DCAF5: variants seen among roughly 807,000 people sequenced by gnomAD.
The protein encoded by DCAF5 is DDB1 and CUL4 associated factor 5, also known as DDB1- and CUL4-associated factor 5.
Under a neutral mutation model 80.7 loss-of-function variants are expected in DCAF5, and 9 were observed. The ratio of observed to expected loss-of-function variants is 0.11; its 90% confidence interval spans 0.07 to 0.19. The LOEUF (loss-of-function observed/expected upper bound fraction) is 0.19, where lower values mean the gene tolerates loss of function less well. Among genes scored for constraint, DCAF5 ranks in the 10% least tolerant of loss-of-function variants. The probability of loss-of-function intolerance (pLI) is 1.00; values close to 1 mark genes in which losing one functional copy is unlikely to be tolerated. For synonymous variants in DCAF5, 433 were observed against 461.9 expected (o/e 0.94, Z 0.80); for missense variants, 842 against 1,205.7 (o/e 0.70, Z 4.47).
At chr14:69,153,120 G>A (rs1009707526), upstream of DCAF5, 11 of 592,398 alleles carry the variant, frequency 1.9e-5, no homozygotes, top group Admixed American at 4.3e-5. Flanking sequence ...AGCGAGGTGT[G>A]CAGACACTCG....
rs2041593323 is a variant in DCAF5 at position 69,148,087 on chromosome 14, T to C, written c.214+4678A>G. On this transcript the variant is annotated intron_variant, in intron 1 of 8. Transcript: ENST00000341516. ...GTCATCCAATCAGAGCCCTAAAAGA[T>C]GTTCATTTTCTTCGCAAAAAAAAAA... 3.6e-5 allele frequency among the ~76,000 whole-genome samples: 5 copies of C among 139,564 alleles called. No homozygotes were observed. The South Asian group carries it at 1.2e-3, about 33-fold the overall frequency. The allele number at this position is 139,564 out of a possible 152,430, so 91.6% of individuals were successfully genotyped here. A position where few individuals can be genotyped will look rare whatever the true frequency, so the allele number is the denominator to read the frequency against.
intron 5 of DCAF5, among the ~76,000 whole-genome samples, chr14:69,098,727 C>CAAAAAAAAAAAA (rs35501979): frequency 1.1e-5 from 1 of 92,484 alleles, no homozygotes; most frequent in Non-Finnish European, 2.0e-5. Context: ...ACTAAAAATA[C>CAAAAAAAAAAAA]AAAAAAAAAA....
intron 8 of DCAF5, among the ~76,000 whole-genome samples, chr14:69,060,396 T>C (rs75596316): frequency 0.025 from 3,823 of 152,240 alleles, 90 homozygotes; most frequent in Non-Finnish European, 0.031. Context: ...AAAGTAAAAA[T>C]GATTTCCTCA....
chr14:69,094,288 G>A (rs1343972460), intron 5 of DCAF5, among the ~76,000 whole-genome samples: 1 of 152,166 alleles, frequency 6.6e-6, no homozygotes, highest in African/African-American at 2.4e-5. Context: ...GGCCTGTAGA[G>A]GAGTCTGCCC....
intron 5 of DCAF5, among the ~76,000 whole-genome samples, chr14:69,097,576 AT>A (rs953321021): frequency 3.7e-5 from 4 of 107,326 alleles, no homozygotes; most frequent in Non-Finnish European, 3.7e-5. Context: ...GATTATTATT[AT>A]TATTATTTTT....
intron 1 of DCAF5, among the ~76,000 whole-genome samples, chr14:69,150,923 A>C (rs1464323091): frequency 2.6e-5 from 4 of 152,152 alleles, no homozygotes; most frequent in African/African-American, 9.7e-5. Context: ...AGGTGTGTCA[A>C]GCTGGGCAAC....
chr14:69,124,166 A>C (rs971167781), intron 1 of DCAF5, among the ~76,000 whole-genome samples: 7 of 152,114 alleles, frequency 4.6e-5, no homozygotes, highest in Admixed American at 4.6e-4. Flanking sequence ...TTGCTTTCTA[A>C]GGCTGAATAG....
intron 5 of DCAF5, among the ~76,000 whole-genome samples, chr14:69,113,018 C>G (rs746491410): frequency 6.6e-6 from 1 of 151,850 alleles, no homozygotes; most frequent in Admixed American, 6.6e-5. Context: ...TTCTTTAGAG[C>G]TGACATTTTT....
intron 1 of DCAF5, among the ~76,000 whole-genome samples, chr14:69,126,566 T>A (rs976659710): frequency 6.6e-6 from 1 of 152,214 alleles, no homozygotes; most frequent in Non-Finnish European, 1.5e-5. Flanking sequence ...GCAAAATGAT[T>A]CTAATATTTA....
chr14:69,063,031 T>TG (rs2038280605), intron 7 of DCAF5, among the ~76,000 whole-genome samples: 1 of 152,046 alleles, frequency 6.6e-6, no homozygotes. Flanking sequence ...CCAAAACCAC[T>TG]GGGGGAAATA....
intron 7 of DCAF5, among the ~76,000 whole-genome samples, chr14:69,074,761 C>T (rs533915657): frequency 1.4e-4 from 21 of 151,988 alleles, no homozygotes; most frequent in African/African-American, 5.1e-4. Context: ...GGGCTGGGTG[C>T]GGTGGCTCAC....
chr14:69,093,686 TC>T (rs2039605251), intron 5 of DCAF5, among the ~76,000 whole-genome samples: 1 of 152,076 alleles, frequency 6.6e-6, no homozygotes, highest in Admixed American at 6.6e-5. Flanking sequence ...CAGTCCTGTG[TC>T]CCCCAAAGCA....
intron 6 of DCAF5, chr14:69,085,486 T>C: frequency 2.7e-6 from 1 of 365,586 alleles, no homozygotes. Context: ...GAATTTGGAC[T>C]TATCTAACAA....
At chr14:69,058,533 A>T (rs2038069317) in intron 8 of DCAF5, among the ~76,000 whole-genome samples, 1 of 130,566 alleles carries the variant, frequency 7.7e-6, no homozygotes, top group Non-Finnish European at 1.7e-5. Context: ...AAAGAAAAAA[A>T]ATACATATAT....
chr14:69,063,726 T>A (rs1430237187), intron 7 of DCAF5, among the ~76,000 whole-genome samples: 3 of 152,196 alleles, frequency 2.0e-5, no homozygotes, highest in Non-Finnish European at 2.9e-5. Context: ...TATCTTCTGC[T>A]TTTGGCCCCC....
At chr14:69,088,697 C>A (rs2039428851) in intron 6 of DCAF5, among the ~76,000 whole-genome samples, 1 of 152,170 alleles carries the variant, frequency 6.6e-6, no homozygotes, top group Non-Finnish European at 1.5e-5. Context: ...GGGATGGTTA[C>A]CCAGCCTATG....
intron 1 of DCAF5, among the ~76,000 whole-genome samples, chr14:69,135,615 A>G (rs917783196): frequency 3.3e-5 from 5 of 152,238 alleles, no homozygotes; most frequent in Admixed American, 2.6e-4. Context: ...TCAAAAATGA[A>G]TAAGATGAGC....
chr14:69,133,450 A>G (rs1210075951), intron 1 of DCAF5, among the ~76,000 whole-genome samples: 1 of 152,146 alleles, frequency 6.6e-6, no homozygotes, highest in African/African-American at 2.4e-5. Flanking sequence ...CAGATCTCCC[A>G]ATTTTTGGCC....
intron 5 of DCAF5, among the ~76,000 whole-genome samples, chr14:69,094,830 A>T (rs1174091408): frequency 1.3e-5 from 2 of 152,178 alleles, no homozygotes; most frequent in African/African-American, 4.8e-5. Flanking sequence ...TGTCCCCCAC[A>T]ATATTCTAAT....
Sources: allele counts gnomAD v4.1 joint callset (sites outside exome capture counted in the v4.1 genomes callset), GRCh38; gene constraint gnomAD v4.1.1; transcripts MANE v1.5; gene names NCBI Gene and HGNC (gene_info 2026-07-23, HGNC 2026-07-21).